The following SPAG17 variants were observed in gnomAD, a reference collection of about 807,000 sequenced individuals.
SPAG17 encodes the protein sperm associated antigen 17.
In SPAG17, 169 loss-of-function variants were observed where a neutral mutation model predicts 273.6. The ratio of observed to expected loss-of-function variants is 0.62; its 90% CI spans 0.55 to 0.70. SPAG17 has a LOEUF of 0.70. Ranked by LOEUF, SPAG17 falls within the 30% of genes least tolerant of loss-of-function variation. SPAG17 has a pLI of 0.00. For synonymous variants in SPAG17, 825 were observed against 873.2 expected (o/e 0.94, Z 0.97); for missense variants, 2,557 against 2,627.8 (o/e 0.97, Z 0.59).
At chr1:118,101,450 A>G (rs1656057936) in intron 5 of SPAG17, among the ~76,000 whole-genome samples, 1 of 152,112 alleles carries the variant, frequency 6.6e-6, no homozygotes, top group Admixed American at 6.5e-5. Context: ...ACACAAATGA[A>G]TTGCAAATAG....
At chr1:118,130,126 T>A (rs1657977387) in intron 3 of SPAG17, among the ~76,000 whole-genome samples, 1 of 152,158 alleles carries the variant, frequency 6.6e-6, no homozygotes, top group South Asian at 2.1e-4. Context: ...CCTTAATCTC[T>A]TTGACTTGTT....
In SPAG17 at chr1:118,074,598, G is replaced by C; in HGVS notation, c.2212C>G (p.Gln738Glu). ...KAQPQHESLEQTTNNEIKDDA... is the reference protein window; with the variant it reads ...KAQPQHESLEETTNNEIKDDA... The stretch of plus-strand genomic sequence containing the variant: ...TCTTTGATCTCATTGTTTGTGGTCT[G>C]CTCTGCAAATCAAAGACACCAACAT... The change falls in exon 16 of 49, where the codon CAG becomes GAG. Residue 738 changes from glutamine (Q) to glutamate (E), a missense_variant and splice_region_variant. Physicochemically the swap from Gln to Glu is conservative, Grantham distance 29. Coordinates refer to ENST00000336338, the MANE Select transcript of SPAG17 (RefSeq NM_206996.4). The C allele has an allele frequency of 6.2e-7, 1 of 1,613,326 alleles. No individual in the cohort carries two copies. Among genetic ancestry groups the C allele is most frequent in the Non-Finnish European group, 8.5e-7 (1 of 1,179,558 alleles).
At chr1:117,958,910 G>A in intron 48 of SPAG17, 2 of 1,612,618 alleles carry the variant, frequency 1.2e-6, no homozygotes. Flanking sequence ...TTTCTATCAG[G>A]ATTCACTTTG....
At chr1:117,957,135 G>A (rs751941966) in intron 48 of SPAG17, 23 of 1,612,130 alleles carry the variant, frequency 1.4e-5, no homozygotes, top group South Asian at 1.2e-4. Flanking sequence ...ACTCTTTAAC[G>A]AATTCATTCA....
rs1475541737 is a variant in SPAG17, at chr1:118,066,603, T to C, written c.2540+142A>G. 6.4e-6 allele frequency: 4 copies of C among 624,394 alleles called. No individual in the cohort carries two copies. The East Asian group carries it at 8.8e-5, about 14-fold the overall frequency. The allele number at this position is 624,394 out of a possible 1,614,324, so 38.7% of individuals were successfully genotyped here. On this transcript the variant is annotated intron_variant, in intron 18 of 48. Transcript: ENST00000336338. ...CTGACATTCAATTTAGTGAGCTGAA[T>C]TGAATCTATAGTACTACACAAATGT... is the stretch of plus-strand genomic sequence containing the variant.
chr1:117,988,108 C>CA lies in SPAG17; in HGVS notation c.5617dup (p.Trp1873LeufsTer22). ...ACACATTATTGGATTAGCTTACCTC[C>CA]ATGTCTTTTCAAAGAAATCTTTACC... On this transcript the variant is annotated frameshift_variant, in exon 39 of 49. Transcript: ENST00000336338. LOFTEE classifies it high-confidence loss of function. The CA allele has an allele frequency of 6.2e-7, 1 of 1,600,508 alleles. No individual in the cohort carries two copies. Among genetic ancestry groups the CA allele is most frequent in the Non-Finnish European group, 8.5e-7 (1 of 1,175,036 alleles).
chr1:118,081,621 A>G lies in SPAG17; in HGVS notation c.1784T>C (p.Val595Ala). 1 of 1,613,906 alleles carries G rather than the reference A, an allele frequency of 6.2e-7. No homozygotes were observed. Among genetic ancestry groups the G allele is most frequent in the Non-Finnish European group, 8.5e-7 (1 of 1,179,910 alleles). Residue 595 changes from valine (V) to alanine (A), a missense_variant, in exon 14 of 49, where the codon GTA becomes GCA. Coordinates refer to ENST00000336338, the MANE Select transcript of SPAG17 (RefSeq NM_206996.4). ...CTSDVLSWNE[V>A]ERAFKVFTFE... ...AGTAAACACCTTGAAGGCTCGTTCT[A>G]CTTCATTCCAGCTCAAGACATCTGT... is the stretch of plus-strand genomic sequence containing the variant.
intron 18 of SPAG17, among the ~76,000 whole-genome samples, chr1:118,064,386 C>A (rs1453045322): frequency 6.6e-6 from 1 of 151,134 alleles, no homozygotes; most frequent in Non-Finnish European, 1.5e-5. Context: ...CACATATACA[C>A]CATGGAATAC....
At chr1:118,178,046 A>C (rs902846291) in intron 1 of SPAG17, among the ~76,000 whole-genome samples, 1 of 152,150 alleles carries the variant, frequency 6.6e-6, no homozygotes, top group African/African-American at 2.4e-5. Flanking sequence ...AGAAAAAGAG[A>C]ATACTTCCAA....
chr1:118,104,891 A>ATGC (rs1656291280), intron 4 of SPAG17, among the ~76,000 whole-genome samples: 1 of 152,138 alleles, frequency 6.6e-6, no homozygotes, highest in South Asian at 2.1e-4. Flanking sequence ...GGGTGAGTGG[A>ATGC]TGCAAGGGGG....
At chr1:118,002,732 A>G (rs113108225) in intron 32 of SPAG17, among the ~76,000 whole-genome samples, 9,962 of 151,906 alleles carry the variant, frequency 0.066, 526 homozygotes, top group East Asian at 0.31. Flanking sequence ...TGCACATGAG[A>G]TGGGTCTCCT....
At position 118,136,362 on chromosome 1, in the gene SPAG17, C is replaced by T. The variant is rs774811882; in HGVS notation, c.315+14181G>A. On this transcript the variant is annotated intron_variant, in intron 3 of 48. Transcript: ENST00000336338. ...ACTCTTAGCCTTAGACTTTGCTAACCGCTTCCTCACTCTCCCCGAATGCAT... is the reference window on the plus strand; with the variant it reads ...ACTCTTAGCCTTAGACTTTGCTAACTGCTTCCTCACTCTCCCCGAATGCAT... Among the ~76,000 whole-genome samples, 4 of 152,148 alleles carry T rather than the reference C, an allele frequency of 2.6e-5. No individual in the cohort carries two copies. In the East Asian group the frequency reaches 5.8e-4, roughly 22 times the overall value.
intron 10 of SPAG17, among the ~76,000 whole-genome samples, chr1:118,089,751 C>A (rs926582661): frequency 1.3e-5 from 2 of 152,158 alleles, no homozygotes; most frequent in African/African-American, 4.8e-5. Flanking sequence ...CTTTTTGTGC[C>A]TCAGTTTCCT....
chr1:118,184,380 G>A (rs894976784), intron 1 of SPAG17, among the ~76,000 whole-genome samples: 3 of 152,138 alleles, frequency 2.0e-5, no homozygotes, highest in African/African-American at 7.2e-5. Flanking sequence ...ATTTACTGAA[G>A]CTGGGTGGGG....
At chr1:118,028,192 C>T (rs1647981815) in intron 26 of SPAG17, 82 bp downstream of exon 26, 1 of 1,468,022 alleles carries the variant, frequency 6.8e-7, no homozygotes, top group South Asian at 1.3e-5. Flanking sequence ...GTATGTTTAA[C>T]TGGCATGAAA....
chr1:117,999,533 G>C (rs1001123275), intron 32 of SPAG17, among the ~76,000 whole-genome samples: 1 of 152,232 alleles, frequency 6.6e-6, no homozygotes, highest in Non-Finnish European at 1.5e-5. Flanking sequence ...ACTGGCATGT[G>C]ATGGTATCTC....
intron 15 of SPAG17, among the ~76,000 whole-genome samples, chr1:118,079,162 A>G (rs1196075634): frequency 6.6e-6 from 1 of 152,026 alleles, no homozygotes; most frequent in African/African-American, 2.4e-5. Context: ...TTTCTTTCTT[A>G]GTGTTTGGTA....
chr1:117,957,345 G>C (rs1652364640), intron 48 of SPAG17: 7 of 1,030,526 alleles, frequency 6.8e-6, no homozygotes, highest in Non-Finnish European at 9.5e-6. Context: ...GGGAGGCTGA[G>C]GTGGGTGGAT....
In SPAG17 at chr1:118,073,880, G is replaced by T; in HGVS notation, c.2359C>A (p.His787Asn). Residue 787 changes from histidine to asparagine, a missense_variant, in exon 17 of 49, where the codon CAT becomes AAT. Transcript: ENST00000336338. ...RSLMDWSFTE[H>N]FKPKVLLQVL... ...TGAAGCAGTACTTTCGGTTTAAAAT[G>T]TTCAGTAAAACTCCAGTCCATTAGA... 1 of 1,581,142 alleles carries T rather than the reference G, an allele frequency of 6.3e-7. No homozygotes were observed. Among genetic ancestry groups the T allele is most frequent in the Non-Finnish European group, 8.6e-7 (1 of 1,169,004 alleles).
Sources: gnomAD v4.1 joint callset for allele counts (sites outside exome capture counted in the v4.1 genomes callset) on GRCh38, gnomAD v4.1.1 for gene constraint, MANE v1.5 for transcripts, NCBI Gene and HGNC (gene_info 2026-07-23, HGNC 2026-07-21) for gene names.